The following NLRP2 variants were observed in gnomAD, a reference collection of about 807,000 sequenced individuals.
NLRP2 encodes the protein NACHT, LRR and PYD domains-containing protein 2.
Under a neutral mutation model 97.2 loss-of-function variants are expected in NLRP2, and 107 were observed. The observed-to-expected ratio is 1.10, with a 90% CI of 0.94 to 1.29. NLRP2 has a LOEUF of 1.29. Among genes scored for constraint, NLRP2 ranks in the 50% most tolerant of loss-of-function variants. NLRP2 has a pLI of 0.00. For synonymous variants in NLRP2, 663 were observed against 551.5 expected, an observed-to-expected ratio of 1.20 and a Z score of -2.83; for missense variants, 1,495 against 1,330.3, an observed-to-expected ratio of 1.12 and a Z score of -1.93.
At position 54,990,531 on chromosome 19, in the gene NLRP2, A is replaced by G. The variant is rs543284761; in HGVS notation, c.2567A>G (p.Asn856Ser). Residue 856 changes from asparagine (N) to serine (S), a missense_variant, in exon 10 of 13, where the codon AAT becomes AGT. Physicochemically the swap from Asn to Ser is conservative, Grantham distance 46 (BLOSUM62 1). Transcript: ENST00000448584. ...SLENCHLTEA[N>S]CKDLAAVLVV... is the part of the protein sequence containing the mutation. ...GAAAACTGTCACCTTACAGAAGCCA[A>G]TTGCAAGGACCTTGCTGCTGTGTTG... The G allele has an allele frequency of 5.9e-5, 95 of 1,614,152 alleles. No individual in the cohort carries two copies. The highest frequency in any genetic ancestry group is 4.6e-4 in the South Asian group (42 of 91,082).
At chr19:54,989,201 C>A (rs2072297412) in intron 8 of NLRP2, among the ~76,000 whole-genome samples, 1 of 151,828 alleles carries the variant, frequency 6.6e-6, no homozygotes, top group South Asian at 2.1e-4. Context: ...CCTGATCTGC[C>A]CACCTCGGCC....
At chr19:54,978,845 TAAAAAAA>T (rs78482875) in intron 4 of NLRP2, among the ~76,000 whole-genome samples, 1 of 136,294 alleles carries the variant, frequency 7.3e-6, no homozygotes, top group Non-Finnish European at 1.6e-5. Context: ...GACTCCATCT[TAAAAAAA>T]AAAAAAAAAA....
intron 7 of NLRP2, among the ~76,000 whole-genome samples, chr19:54,985,575 G>T (rs547731526): frequency 6.6e-6 from 1 of 151,444 alleles, no homozygotes; most frequent in South Asian, 2.1e-4. Flanking sequence ...CTACTTGGGA[G>T]GCTGAGGCAG....
At chr19:54,996,525 T>C (rs997362491) in intron 11 of NLRP2, among the ~76,000 whole-genome samples, 1 of 151,952 alleles carries the variant, frequency 6.6e-6, no homozygotes, top group Non-Finnish European at 1.5e-5. Flanking sequence ...AAGATGGAAG[T>C]TATTTAACCT....
intron 9 of NLRP2, 137 bp downstream of exon 9, chr19:54,990,329 G>A (rs1568524047): frequency 8.7e-7 from 1 of 1,148,110 alleles, no homozygotes. Context: ...CCAGGCCGAT[G>A]GCCTGTGAAT....
intron 3 of NLRP2, chr19:54,976,863 G>A (rs772249516): frequency 1.3e-5 from 5 of 374,898 alleles, no homozygotes; most frequent in Non-Finnish European, 2.5e-5. Flanking sequence ...TTGCCAGGCT[G>A]AAGTGCAGTG....
At chr19:54,997,182 G>T in intron 11 of NLRP2, 135 bp from the exon 12 acceptor site, 1 of 885,522 alleles carries the variant, frequency 1.1e-6, no homozygotes, top group South Asian at 1.3e-5. Flanking sequence ...TGGGATTACA[G>T]GCGTGAACCA....
intron 12 of NLRP2, among the ~76,000 whole-genome samples, chr19:55,000,270 C>CTTTTTTTTTTTTTTTTTTTT (rs1157138794): frequency 5.6e-5 from 2 of 36,026 alleles, no homozygotes; most frequent in Middle Eastern, 0.025. Flanking sequence ...GAGAGACTGT[C>CTTTTTTTTTTTTTTTTTTTT]TTTTTTTTTT....
In NLRP2 at chr19:54,969,903, G is replaced by A; in HGVS notation, c.-17-96G>A. 2.5e-6 allele frequency: 3 copies of A among 1,196,786 alleles called. No individual in the cohort carries two copies. In the South Asian group the frequency reaches 3.6e-5, roughly 15 times the overall value. The allele number at this position is 1,196,786 out of a possible 1,614,324, so 74.1% of individuals were successfully genotyped here. A position where few individuals can be genotyped will look rare whatever the true frequency, so the allele number is the denominator to read the frequency against. ...TGTTCTTGAAGAAGCAGGGTAGATG[G>A]TGAGTGTCCTTGTTCGTGGCACAGC... is the stretch of plus-strand genomic sequence containing the variant. On this transcript the variant is annotated intron_variant, in intron 1 of 12. Coordinates refer to ENST00000448584, the MANE Select transcript of NLRP2 (RefSeq NM_017852.5).
At position 54,970,019 on chromosome 19, in the gene NLRP2, G is replaced by A; in HGVS notation, c.4G>A (p.Val2Met). The change falls in exon 2 of 13, where the codon GTG becomes ATG. Residue 2 changes from valine (V) to methionine (M), a missense_variant. Coordinates refer to ENST00000448584, the MANE Select transcript of NLRP2 (RefSeq NM_017852.5). Reference protein sequence around the residue: MVSSAQMGFNLQ... With the variant: MMSSAQMGFNLQ... ...CACAGCTCCCACGTGGGACAAGATG[G>A]TGTCTTCGGCGCAGATGGGCTTCAA... 6.2e-7 allele frequency: 1 copy of A among 1,613,494 alleles called. No individual in the cohort carries two copies. The highest frequency in any genetic ancestry group is 8.5e-7 in the Non-Finnish European group (1 of 1,180,012).
chr19:54,995,748 G>A (rs371540249), intron 11 of NLRP2, among the ~76,000 whole-genome samples: 1 of 151,994 alleles, frequency 6.6e-6, no homozygotes, highest in Non-Finnish European at 1.5e-5. Flanking sequence ...AATCTTAAAA[G>A]AATTTGACTC....
chr19:54,996,043 A>AAAAAAAAC (rs2146543482), intron 11 of NLRP2, among the ~76,000 whole-genome samples: 1 of 148,100 alleles, frequency 6.8e-6, no homozygotes, highest in African/African-American at 2.5e-5. Flanking sequence ...GTCTCAAAAA[A>AAAAAAAAC]AAAAAAAAAA....
intron 4 of NLRP2, 108 bp from the exon 5 acceptor site, chr19:54,981,509 G>GTCCCCCCCCC: frequency 2.6e-6 from 1 of 386,504 alleles, no homozygotes; most frequent in Non-Finnish European, 5.3e-6. Flanking sequence ...CTGATCCCGT[G>GTCCCCCCCCC]CCCCCCCTCC....
At chr19:54,981,572 TAC>T in intron 4 of NLRP2, 43 bp from the exon 5 acceptor site, 1 of 835,766 alleles carries the variant, frequency 1.2e-6, no homozygotes, top group Non-Finnish European at 1.8e-6. Context: ...CCACAGGAAA[TAC>T]ACCTGATTTT....
intron 1 of NLRP2, among the ~76,000 whole-genome samples, chr19:54,967,563 G>T (rs2070539890): frequency 6.6e-6 from 1 of 152,068 alleles, no homozygotes; most frequent in African/African-American, 2.4e-5. Context: ...CTCTAGTTAA[G>T]GTTGGCTCAT....
chr19:54,974,960 C>T (rs529589693), intron 3 of NLRP2, among the ~76,000 whole-genome samples: 2 of 151,652 alleles, frequency 1.3e-5, no homozygotes, highest in South Asian at 2.1e-4. Context: ...CCACCAGGCC[C>T]GGCTAATTTT....
rs753078064 is a variant in NLRP2, at chr19:54,977,003, C to T, written c.326-749C>T. Reference sequence around the variant, plus strand: ...GGCTAATTTTTTGTTTTAGTAGAGACGGGGCTTCACCATGTTGGCCGGGAT... The same window carrying T: ...GGCTAATTTTTTGTTTTAGTAGAGATGGGGCTTCACCATGTTGGCCGGGAT... On this transcript the variant is annotated intron_variant, in intron 3 of 12. Coordinates refer to ENST00000448584, the MANE Select transcript of NLRP2 (RefSeq NM_017852.5). 95 of 335,928 alleles carry T rather than the reference C, an allele frequency of 2.8e-4. 6 individuals carry two copies. The highest frequency in any genetic ancestry group is 2.1e-3 in the Middle Eastern group (2 of 956). 20.8% of individuals were successfully genotyped at this position (335,928 alleles called of 1,614,324 possible).
chr19:54,976,644 G>C (rs1271976881), intron 3 of NLRP2, among the ~76,000 whole-genome samples: 1 of 152,030 alleles, frequency 6.6e-6, no homozygotes, highest in East Asian at 1.9e-4. Context: ...ACCTCACCTG[G>C]TGGTGAAGAC....
intron 6 of NLRP2, 54 bp downstream of exon 6, chr19:54,983,782 C>G: frequency 6.3e-7 from 1 of 1,598,830 alleles, no homozygotes; most frequent in Admixed American, 1.7e-5. Context: ...ATCCCATGCC[C>G]CCTTAGGAAG....
Sources: allele counts gnomAD v4.1 joint callset (sites outside exome capture counted in the v4.1 genomes callset), GRCh38; gene constraint gnomAD v4.1.1; transcripts MANE v1.5; gene names NCBI Gene and HGNC (gene_info 2026-07-23, HGNC 2026-07-21).